The following TIAM1 variants were observed in gnomAD, a reference collection of about 807,000 sequenced individuals.
TIAM1 encodes the protein rho guanine nucleotide exchange factor TIAM1.
Under a neutral mutation model 163.5 loss-of-function variants are expected in TIAM1, and 65 were observed. The observed-to-expected ratio is 0.40, with a 90% CI of 0.33 to 0.49. TIAM1 has a LOEUF of 0.49. TIAM1 is among the 20% of genes least tolerant of loss of function. TIAM1 has a pLI of 0.77. For synonymous variants in TIAM1, 833 were observed against 810.1 expected, an observed-to-expected ratio of 1.03 and a Z score of -0.48; for missense variants, 1,789 against 2,044.7, an observed-to-expected ratio of 0.87 and a Z score of 2.41.
chr21:31,130,570 G>A (rs1322618239), intron 24 of TIAM1, among the ~76,000 whole-genome samples: 1 of 152,096 alleles, frequency 6.6e-6, no homozygotes, highest in Non-Finnish European at 1.5e-5. Context: ...GGAGAAAAAG[G>A]ATCCCAAAAG....
intron 19 of TIAM1, among the ~76,000 whole-genome samples, chr21:31,150,070 A>G (rs1307631837): frequency 1.3e-5 from 2 of 152,226 alleles, no homozygotes; most frequent in Non-Finnish European, 2.9e-5. Flanking sequence ...GAAAGAATAA[A>G]GCAAATGTAG....
At chr21:31,465,813 G>A (rs1216841498) in intron 1 of TIAM1, among the ~76,000 whole-genome samples, 13 of 152,082 alleles carry the variant, frequency 8.5e-5, no homozygotes, top group Non-Finnish European at 2.9e-5. Context: ...CTCATGATCC[G>A]CCCTCCTTGG....
At position 31,477,782 on chromosome 21, in the gene TIAM1, A is replaced by G. The variant is rs545480636; in HGVS notation, c.-421-13747T>C. Among the ~76,000 whole-genome samples, 73 of 152,190 alleles carry G rather than the reference A, an allele frequency of 4.8e-4. No individual in the cohort carries two copies. In the South Asian group the frequency reaches 9.1e-3, roughly 19 times the overall value. On this transcript the variant is annotated intron_variant, in intron 1 of 28. Coordinates refer to the TIAM1 transcript ENST00000286827. ...AGGACAGAACTGCCAACTGCATGAA[A>G]GAAGTTCATTTAGGAGGAAAGAGGA...
At position 31,383,614 on chromosome 21, in the gene TIAM1, C is replaced by T. The variant is rs562748278; in HGVS notation, c.-368-44192G>A. 3.9e-5 allele frequency among the ~76,000 whole-genome samples: 6 copies of T among 152,316 alleles called. No homozygotes were observed. The East Asian group carries it at 9.7e-4, about 25-fold the overall frequency. The stretch of plus-strand genomic sequence containing the variant: ...TATCTCTTTCAGGCTGTCATTTCCA[C>T]GGACAATTCCTGACATGCCTTGGGA... On this transcript the variant is annotated intron_variant, in intron 2 of 28. Coordinates refer to the TIAM1 transcript ENST00000286827.
chr21:31,477,495 G>C (rs1420421025), intron 1 of TIAM1, among the ~76,000 whole-genome samples: 1 of 69,444 alleles, frequency 1.4e-5, no homozygotes, highest in Admixed American at 1.6e-4. Context: ...TTTTTTTTGA[G>C]ACGGAATCTG....
At chr21:31,125,094 G>A (rs565193092) in intron 26 of TIAM1, among the ~76,000 whole-genome samples, 3 of 152,100 alleles carry the variant, frequency 2.0e-5, no homozygotes, top group East Asian at 3.9e-4. Context: ...ACGTCTCAAC[G>A]TCCTAATGTC....
chr21:31,124,926 A>T (rs1248024816), intron 26 of TIAM1, among the ~76,000 whole-genome samples: 1 of 152,230 alleles, frequency 6.6e-6, no homozygotes, highest in African/African-American at 2.4e-5. Flanking sequence ...GGGGCAGAGT[A>T]GCCCATTAAC....
At chr21:31,341,595 A>G (rs765826167) in intron 1 of TIAM1, among the ~76,000 whole-genome samples, 11 of 152,238 alleles carry the variant, frequency 7.2e-5, no homozygotes, top group Non-Finnish European at 1.5e-4. Context: ...CCAGAACAAT[A>G]TCACAGGGTG....
intron 14 of TIAM1, among the ~76,000 whole-genome samples, chr21:31,184,629 T>C (rs150682034): frequency 2.4e-4 from 36 of 152,152 alleles, no homozygotes; most frequent in African/African-American, 7.0e-4. Context: ...GAGCAGTAGA[T>C]TCCCCACCCC....
chr21:31,364,207 A>G (rs2076459779), intron 2 of TIAM1, among the ~76,000 whole-genome samples: 1 of 152,208 alleles, frequency 6.6e-6, no homozygotes, highest in South Asian at 2.1e-4. Context: ...GTTCCTAAAG[A>G]CAGATTAGAG....
At chr21:31,549,627 T>C (rs968918768) in intron 1 of TIAM1, among the ~76,000 whole-genome samples, 2 of 152,198 alleles carry the variant, frequency 1.3e-5, no homozygotes, top group Non-Finnish European at 2.9e-5. Context: ...CAGCCGCTCA[T>C]CCAATAGGAT....
intron 3 of TIAM1, 26 bp from the exon 4 acceptor site, chr21:31,267,009 A>T: frequency 1.3e-6 from 2 of 1,565,886 alleles, no homozygotes; most frequent in South Asian, 2.4e-5. Context: ...GGGAAAGGGG[A>T]GAATTGAGTC....
rs777522183 is a variant in TIAM1, at chr21:31,266,170, G to A, written c.803C>T (p.Ala268Val). Residue 268 changes from alanine to valine, a missense_variant, in exon 4 of 28, where the codon GCA (alanine) becomes GTA (valine). Physicochemically the swap from Ala to Val is moderately conservative, Grantham distance 64. Coordinates refer to ENST00000541036, the MANE Select transcript of TIAM1 (RefSeq NM_001353694.2). ...RNLVSDIPNLANHKMPPAAAE... is the reference protein window; with the variant it reads ...RNLVSDIPNLVNHKMPPAAAE... ...AGCAGCTGGTGGCATCTTATGGTTT[G>A]CAAGATTGGGAATATCAGACACCAA... The A allele has an allele frequency of 6.2e-7, 1 of 1,614,170 alleles. No homozygotes were observed. Among genetic ancestry groups the A allele is most frequent in the South Asian group, 1.1e-5 (1 of 91,086 alleles).
intron 2 of TIAM1, among the ~76,000 whole-genome samples, chr21:31,423,244 G>A (rs145927075): frequency 0.014 from 2,083 of 151,574 alleles, 50 homozygotes; most frequent in African/African-American, 0.048. Flanking sequence ...GACTACAGGC[G>A]CCCGCCACCA....
At chr21:31,507,204 TTTTTTTTTTTTTTTTTTTTG>T (rs1430027165) in intron 1 of TIAM1, among the ~76,000 whole-genome samples, 12 of 96,154 alleles carry the variant, frequency 1.2e-4, no homozygotes, top group South Asian at 4.0e-4. Context: ...TTTTTTTTTT[TTTTTTTTTTTTTTTTTTTTG>T]AGACAGAGTC....
At chr21:31,200,473 A>G (rs1169206440) in intron 12 of TIAM1, among the ~76,000 whole-genome samples, 1 of 152,262 alleles carries the variant, frequency 6.6e-6, no homozygotes, top group Non-Finnish European at 1.5e-5. Flanking sequence ...AATGGAAATC[A>G]CAGTTATTTT....
intron 1 of TIAM1, among the ~76,000 whole-genome samples, chr21:31,536,911 C>A (rs1418180536): frequency 1.3e-5 from 2 of 152,214 alleles, no homozygotes; most frequent in African/African-American, 4.8e-5. Context: ...CCTAGGCCTG[C>A]CATGACAGAG....
chr21:31,198,625 A>C (rs900845235), intron 12 of TIAM1, among the ~76,000 whole-genome samples: 1 of 152,244 alleles, frequency 6.6e-6, no homozygotes, highest in African/African-American at 2.4e-5. Flanking sequence ...ACTTCAACTT[A>C]TCAGGAGCCT....
At chr21:31,332,365 A>G (rs2075702473) in intron 2 of TIAM1, among the ~76,000 whole-genome samples, 1 of 152,174 alleles carries the variant, frequency 6.6e-6, no homozygotes, top group Admixed American at 6.5e-5. Context: ...AAATTTCTAT[A>G]CACTCAAGGA....
Sources: allele counts gnomAD v4.1 joint callset (sites outside exome capture counted in the v4.1 genomes callset), GRCh38; gene constraint gnomAD v4.1.1; transcripts MANE v1.5; gene names NCBI Gene and HGNC (gene_info 2026-07-23, HGNC 2026-07-21).